The following FKBP9 variants were observed in gnomAD, a reference collection of about 807,000 sequenced individuals.
FKBP9 encodes the protein FKBP prolyl isomerase 9.
FKBP9 carries 27 observed loss-of-function variants against 55.6 expected under a neutral mutation model. That is an observed-to-expected ratio of 0.49 (90% CI 0.36 to 0.67). The LOEUF (loss-of-function observed/expected upper bound fraction) is 0.67. Among genes scored for constraint, FKBP9 ranks in the 30% least tolerant of loss-of-function variants. The pLI, the probability that FKBP9 is intolerant of heterozygous loss-of-function variation, is 0.00. For synonymous variants in FKBP9, 267 were observed against 296.5 expected (o/e 0.90, Z 1.02); for missense variants, 539 against 742.8 (o/e 0.73, Z 3.19).
chr7:32,980,753 G>A (rs111938812), intron 5 of FKBP9, among the ~76,000 whole-genome samples, 200 bp downstream of exon 5: 7,928 of 150,856 alleles, frequency 0.053, 540 homozygotes, highest in East Asian at 0.2. Flanking sequence ...TTTTTGAGAC[G>A]GGGTCTCGTT....
At chr7:32,984,951 A>C (rs1784546920) in intron 5 of FKBP9, among the ~76,000 whole-genome samples, 1 of 152,166 alleles carries the variant, frequency 6.6e-6, no homozygotes, top group Non-Finnish European at 1.5e-5. Flanking sequence ...GCAGCATCAC[A>C]ACTTTAACTA....
rs780480115 is a variant in FKBP9, at chr7:32,957,726, G to A, written c.153G>A (p.Val51=). 5 of 1,524,554 alleles carry A rather than the reference G, an allele frequency of 3.3e-6. No individual in the cohort carries two copies. The South Asian group carries it at 6.1e-5, about 18-fold the overall frequency. 94.4% of individuals were successfully genotyped at this position (1,524,554 alleles called of 1,614,324 possible). Residue 51 remains valine, a synonymous_variant, in exon 1 of 10, where the codon GTG becomes GTA. Transcript: ENST00000242209. ...TGCCCGACGAGTGCCCGCGCACCGTGCGCAGCGGCGACTTCGTGCGCTACC... is the reference window on the plus strand; with the variant it reads ...TGCCCGACGAGTGCCCGCGCACCGTACGCAGCGGCGACTTCGTGCGCTACC... ...RFVPDECPRT[V]RSGDFVRYHY...
chr7:32,958,434 G>T (rs1354559630), intron 1 of FKBP9, among the ~76,000 whole-genome samples: 2 of 152,230 alleles, frequency 1.3e-5, no homozygotes, highest in African/African-American at 2.4e-5. Context: ...AATGGAGTCA[G>T]ATTGTTTAAT....
At chr7:32,983,076 T>C (rs1255782700) in intron 5 of FKBP9, among the ~76,000 whole-genome samples, 1 of 150,792 alleles carries the variant, frequency 6.6e-6, no homozygotes, top group Non-Finnish European at 1.5e-5. Flanking sequence ...CAGGCTGGAG[T>C]GCAATGGCGT....
rs185590036 is a variant in FKBP9 at position 33,003,037 on chromosome 7, G to A, written c.1536+198G>A. On this transcript the variant is annotated intron_variant, in intron 9 of 9. Coordinates refer to ENST00000242209, the MANE Select transcript of FKBP9 (RefSeq NM_007270.5). ...TGGAAGCTCACCATTCCTCTCTGAA[G>A]AAACCGATTCCCTAAGAGGTGTAGG... The A allele has an allele frequency of 8.1e-4, 457 of 567,178 alleles. 1 individual carries two copies. The highest frequency in any genetic ancestry group is 4.3e-4 in the Non-Finnish European group (137 of 318,022). 35.1% of individuals were successfully genotyped at this position (567,178 alleles called of 1,614,324 possible).
chr7:32,993,716 G>C (rs1047911948), intron 6 of FKBP9, among the ~76,000 whole-genome samples: 3 of 151,992 alleles, frequency 2.0e-5, no homozygotes, highest in Admixed American at 2.0e-4. Flanking sequence ...TCTCAGCTGA[G>C]GCAGGGAAAT....
intron 5 of FKBP9, among the ~76,000 whole-genome samples, chr7:32,982,734 C>A (rs1784503829): frequency 6.6e-6 from 1 of 152,168 alleles, no homozygotes; most frequent in Admixed American, 6.5e-5. Context: ...TATAATGGAA[C>A]CACAGTTTTC....
Position 32,957,637 on chromosome 7 carries a change from G to C in FKBP9, c.64G>C (p.Gly22Arg), listed in dbSNP as rs1461566286. ...GCTCCTGCTGCTGCTCTGGGTGACC[G>C]GGCAGGCAGCGCCCGTGGCGGGCCT... ...PLLLLLLWVT[G>R]QAAPVAGLGS... Residue 22 changes from glycine (G) to arginine (R), a missense_variant, in exon 1 of 10, where the codon GGG becomes CGG. Coordinates refer to ENST00000242209, the MANE Select transcript of FKBP9 (RefSeq NM_007270.5). The C allele has an allele frequency of 6.7e-6, 10 of 1,497,586 alleles. No individual in the cohort carries two copies. The highest frequency in any genetic ancestry group is 3.7e-5 in the South Asian group (3 of 80,030). 92.8% of individuals were successfully genotyped at this position (1,497,586 alleles called of 1,614,324 possible). A position where few individuals can be genotyped will look rare whatever the true frequency, so the allele number is the denominator to read the frequency against.
chr7:32,993,464 CTCTT>C (rs552446258), intron 6 of FKBP9, among the ~76,000 whole-genome samples: 4 of 152,318 alleles, frequency 2.6e-5, no homozygotes, highest in African/African-American at 7.2e-5. Context: ...TACAATATTT[CTCTT>C]TCTGTGTCTG....
At chr7:32,985,371 G>C (rs1248202557) in intron 5 of FKBP9, among the ~76,000 whole-genome samples, 2 of 151,266 alleles carry the variant, frequency 1.3e-5, no homozygotes, top group African/African-American at 4.9e-5. Flanking sequence ...GTAGAGATGG[G>C]GTTTCAACAT....
chr7:32,994,090 C>T (rs888034594), intron 6 of FKBP9, among the ~76,000 whole-genome samples: 1 of 152,164 alleles, frequency 6.6e-6, no homozygotes, highest in Non-Finnish European at 1.5e-5. Context: ...ATATAATTCA[C>T]ATACTATAAA....
At chr7:32,957,835 G>C in intron 1 of FKBP9, 41 bp downstream of exon 1, 1 of 1,369,262 alleles carries the variant, frequency 7.3e-7, no homozygotes, top group Non-Finnish European at 9.5e-7. Flanking sequence ...CAGCGGATGC[G>C]CGTCCCTCTC....
At position 32,988,573 on chromosome 7, in the gene FKBP9, A is replaced by C; in HGVS notation, c.960A>C (p.Glu320Asp). The part of the protein sequence containing the change: ...GQGYVIPGMD[E>D]GLLGVCIGEK... Reference sequence around the variant, plus strand: ...GCTACGTGATTCCTGGGATGGATGAAGGTCTACTTGGTGTTTGCATTGGAG... The same window carrying C: ...GCTACGTGATTCCTGGGATGGATGACGGTCTACTTGGTGTTTGCATTGGAG... The change falls in exon 6 of 10, where the codon GAA (glutamate) becomes GAC (aspartate). Residue 320 changes from glutamate to aspartate, a missense_variant. Coordinates refer to ENST00000242209, the MANE Select transcript of FKBP9 (RefSeq NM_007270.5). The C allele has an allele frequency of 6.2e-7, 1 of 1,613,854 alleles. No homozygotes were observed. Among genetic ancestry groups the C allele is most frequent in the Non-Finnish European group, 8.5e-7 (1 of 1,179,822 alleles).
chr7:33,004,979 G>C (rs929322778), intron 9 of FKBP9, among the ~76,000 whole-genome samples, 196 bp from the exon 10 acceptor site: 1 of 151,652 alleles, frequency 6.6e-6, no homozygotes, highest in African/African-American at 2.4e-5. Flanking sequence ...TTAGCACAAG[G>C]GTTTTTCACC....
rs1783922323 is a variant in FKBP9, at chr7:32,957,511, C to T, written c.-63C>T. The stretch of plus-strand genomic sequence containing the variant: ...CCACGTTTGCAAACGCAGCCGAACG[C>T]CCAGGCCGACCCGTGCCGCCCGAGC... On this transcript the variant is annotated 5_prime_UTR_variant, in exon 1 of 10. Transcript: ENST00000242209. The T allele has an allele frequency of 6.3e-6, 8 of 1,259,888 alleles. No individual in the cohort carries two copies. In the South Asian group the frequency reaches 1.5e-4, roughly 24 times the overall value. 78.0% of individuals were successfully genotyped at this position (1,259,888 alleles called of 1,614,324 possible).
intron 5 of FKBP9, among the ~76,000 whole-genome samples, 199 bp downstream of exon 5, chr7:32,980,752 C>T (rs1174544629): frequency 1.3e-5 from 2 of 151,326 alleles, no homozygotes; most frequent in African/African-American, 2.4e-5. Context: ...TTTTTTGAGA[C>T]GGGGTCTCGT....
At chr7:32,990,494 C>T (rs534550819) in intron 6 of FKBP9, among the ~76,000 whole-genome samples, 1 of 152,276 alleles carries the variant, frequency 6.6e-6, no homozygotes, top group Admixed American at 6.5e-5. Flanking sequence ...GCTGCAGCAA[C>T]AGTAGGAAAC....
At chr7:32,989,904 A>T (rs1004490124) in intron 6 of FKBP9, among the ~76,000 whole-genome samples, 84 of 152,308 alleles carry the variant, frequency 5.5e-4, no homozygotes, top group Non-Finnish European at 1.0e-4. Flanking sequence ...TGCAGCCTCC[A>T]GCTTCTGTGT....
chr7:32,989,861 G>A (rs1419710884), intron 6 of FKBP9, among the ~76,000 whole-genome samples: 2 of 152,188 alleles, frequency 1.3e-5, no homozygotes, highest in Non-Finnish European at 2.9e-5. Context: ...TGCCCAGGCT[G>A]GAGTGCAGTG....
Sources: allele counts gnomAD v4.1 joint callset (sites outside exome capture counted in the v4.1 genomes callset), GRCh38; gene constraint gnomAD v4.1.1; transcripts MANE v1.5; gene names NCBI Gene and HGNC (gene_info 2026-07-23, HGNC 2026-07-21).